The following LHFPL3 variants were observed in gnomAD, a reference collection of about 807,000 sequenced individuals.
The protein encoded by LHFPL3 is LHFPL tetraspan subfamily member 3.
In LHFPL3, 5 loss-of-function variants were observed where a neutral mutation model predicts 19.3. The observed-to-expected ratio is 0.26, with a 90% CI of 0.14 to 0.54. The LOEUF is 0.54. Ranked by LOEUF, LHFPL3 falls within the 20% of genes least tolerant of loss-of-function variation. The pLI, the probability that LHFPL3 is intolerant of heterozygous loss-of-function variation, is 0.94. For synonymous variants in LHFPL3, 133 were observed against 126.2 expected, an observed-to-expected ratio of 1.05 and a Z score of -0.36; for missense variants, 249 against 307.4, an observed-to-expected ratio of 0.81 and a Z score of 1.42.
intron 1 of LHFPL3, among the ~76,000 whole-genome samples, chr7:104,418,980 T>TGTAGC (rs1282437949): frequency 6.6e-6 from 1 of 152,210 alleles, no homozygotes; most frequent in Admixed American, 6.5e-5. Flanking sequence ...ATAAGAAAAC[T>TGTAGC]GTAGCTCAGA....
At chr7:104,420,457 A>T (rs1317483441) in intron 1 of LHFPL3, among the ~76,000 whole-genome samples, 1 of 152,204 alleles carries the variant, frequency 6.6e-6, no homozygotes, top group Non-Finnish European at 1.5e-5. Flanking sequence ...GGTGGTTCTA[A>T]GTATTAAATT....
At chr7:104,896,547 G>A (rs932568224) in intron 2 of LHFPL3, among the ~76,000 whole-genome samples, 5 of 152,204 alleles carry the variant, frequency 3.3e-5, no homozygotes, top group Non-Finnish European at 5.9e-5. Flanking sequence ...AAGATGAAAT[G>A]ATGAAATGTG....
At chr7:104,575,576 A>C (rs1035074125) in intron 1 of LHFPL3, among the ~76,000 whole-genome samples, 1 of 149,880 alleles carries the variant, frequency 6.7e-6, no homozygotes, top group Non-Finnish European at 1.5e-5. Flanking sequence ...AAAAAAAAAA[A>C]AAAAAAAAAA....
chr7:104,481,977 T>G (rs1793145415), intron 1 of LHFPL3, among the ~76,000 whole-genome samples: 1 of 152,214 alleles, frequency 6.6e-6, no homozygotes, highest in Non-Finnish European at 1.5e-5. Context: ...CCGTGAGTGT[T>G]GCCTGCTAAT....
intron 1 of LHFPL3, among the ~76,000 whole-genome samples, chr7:104,591,862 A>T (rs905981888): frequency 1.3e-5 from 2 of 152,148 alleles, no homozygotes; most frequent in African/African-American, 4.8e-5. Context: ...CATTTCATTC[A>T]TTAGATCTTC....
At chr7:104,450,322 C>A (rs560294616) in intron 1 of LHFPL3, among the ~76,000 whole-genome samples, 1 of 152,280 alleles carries the variant, frequency 6.6e-6, no homozygotes, top group Non-Finnish European at 1.5e-5. Context: ...ATGAGGTTAT[C>A]CTTCTGGGTA....
At chr7:104,613,801 G>T (rs1791256031) in intron 1 of LHFPL3, among the ~76,000 whole-genome samples, 1 of 152,148 alleles carries the variant, frequency 6.6e-6, no homozygotes, top group Admixed American at 6.6e-5. Context: ...TATTGCAATA[G>T]AACAAAGAGA....
chr7:104,614,749 CT>C (rs1791300684), intron 1 of LHFPL3, among the ~76,000 whole-genome samples: 1 of 118,618 alleles, frequency 8.4e-6, no homozygotes, highest in Admixed American at 9.0e-5. Flanking sequence ...CTCTTTCTCT[CT>C]TTTCTTTTCT....
intron 1 of LHFPL3, among the ~76,000 whole-genome samples, chr7:104,541,170 G>A (rs555252840): frequency 6.7e-5 from 10 of 148,604 alleles, no homozygotes; most frequent in South Asian, 4.3e-4. Flanking sequence ...AACTCCTTCA[G>A]TTCCAAAGGG....
At chr7:104,571,837 G>A (rs73409795) in intron 1 of LHFPL3, among the ~76,000 whole-genome samples, 16,727 of 152,158 alleles carry the variant, frequency 0.11, 1,947 homozygotes, top group African/African-American at 0.3. Context: ...ACAGAGTTCA[G>A]AATATTTGGC....
chr7:104,485,325 G>T (rs1310108049), intron 1 of LHFPL3, among the ~76,000 whole-genome samples: 6 of 151,760 alleles, frequency 4.0e-5, no homozygotes, highest in Non-Finnish European at 8.8e-5. Context: ...TATTTTCTTG[G>T]AACTACTGGT....
chr7:104,902,422 A>AAGGAGG (rs1437172754), intron 2 of LHFPL3, among the ~76,000 whole-genome samples: 22 of 150,124 alleles, frequency 1.5e-4, no homozygotes, highest in African/African-American at 4.9e-4. Flanking sequence ...GGGAGAGGAG[A>AAGGAGG]AGGAGGAGGA....
intron 1 of LHFPL3, among the ~76,000 whole-genome samples, chr7:104,502,670 G>T (rs78277340): frequency 0.055 from 8,302 of 152,242 alleles, 297 homozygotes; most frequent in Non-Finnish European, 0.079. Flanking sequence ...CAAGATCCTT[G>T]CCAGGAAGAT....
At chr7:104,338,630 G>C (rs987318250) in intron 1 of LHFPL3, among the ~76,000 whole-genome samples, 3 of 152,148 alleles carry the variant, frequency 2.0e-5, no homozygotes, top group African/African-American at 7.2e-5. Context: ...AGGTAGATTA[G>C]ATAAAATATA....
intron 1 of LHFPL3, among the ~76,000 whole-genome samples, chr7:104,499,718 G>A (rs1042411548): frequency 1.3e-5 from 2 of 152,126 alleles, no homozygotes; most frequent in South Asian, 2.1e-4. Context: ...TTATTGGGAC[G>A]CTTAAATCAT....
At chr7:104,890,573 CCT>C (rs566134958) in intron 2 of LHFPL3, among the ~76,000 whole-genome samples, 53 of 152,338 alleles carry the variant, frequency 3.5e-4, no homozygotes, top group African/African-American at 1.2e-3. Flanking sequence ...AGTCCTTCCC[CCT>C]CAGTCCGTTC....
chr7:104,703,463 T>C (rs80255716), intron 1 of LHFPL3, among the ~76,000 whole-genome samples: 55,701 of 152,114 alleles, frequency 0.37, 10,405 homozygotes, highest in East Asian at 0.53. Context: ...AGCACAAAGT[T>C]TTGTGGTTTA....
chr7:104,570,641 T>C (rs1394640896), intron 1 of LHFPL3, among the ~76,000 whole-genome samples: 1 of 152,238 alleles, frequency 6.6e-6, no homozygotes, highest in Non-Finnish European at 1.5e-5. Flanking sequence ...AGCAGCTGTC[T>C]CTGCTATCAT....
chr7:104,593,382 G>C (rs1348583174), intron 1 of LHFPL3, among the ~76,000 whole-genome samples: 1 of 152,198 alleles, frequency 6.6e-6, no homozygotes, highest in South Asian at 2.1e-4. Flanking sequence ...GTTCTAGTTT[G>C]ATTGCACTGT....
Sources: gnomAD v4.1 joint callset for allele counts (sites outside exome capture counted in the v4.1 genomes callset) on GRCh38, gnomAD v4.1.1 for gene constraint, MANE v1.5 for transcripts, NCBI Gene and HGNC (gene_info 2026-07-23, HGNC 2026-07-21) for gene names.